UNKL: variants seen among roughly 807,000 people sequenced by gnomAD.
UNKL encodes the protein unk like zinc finger.
UNKL carries 60 observed loss-of-function variants against 78.0 expected under a neutral mutation model. The ratio of observed to expected loss-of-function variants is 0.77; its 90% CI spans 0.63 to 0.95. The LOEUF is 0.95. Among genes scored for constraint, UNKL ranks in the 40% least tolerant of loss-of-function variants. The probability of loss-of-function intolerance (pLI) is 0.00; values close to 1 mark genes in which losing one functional copy is unlikely to be tolerated. For missense variants in UNKL, 1,159 were observed against 1,045.7 expected (o/e 1.11, Z -1.49); for synonymous variants, 608 against 474.8 (o/e 1.28, Z -3.65).
At chr16:1,391,378 GCATGACCT>G (rs545464466) in intron 8 of UNKL, among the ~76,000 whole-genome samples, 6 of 152,282 alleles carry the variant, frequency 3.9e-5, no homozygotes, top group Middle Eastern at 3.4e-3. Context: ...GAGTGCAGTG[GCATGACCT>G]CCCTGGCTAA....
At position 1,387,621 on chromosome 16, in the gene UNKL, C is replaced by T. The variant is rs145598853; in HGVS notation, c.1087-2236G>A. On this transcript the variant is annotated intron_variant, in intron 9 of 14. Coordinates refer to ENST00000389221, the MANE Select transcript of UNKL (RefSeq NM_001372107.1). The surrounding 1 kb of genome is among the most constrained non-coding windows in gnomAD (Gnocchi z 4.1). ...GCAGGCACCAGCAAGGGGTGAGTGA[C>T]GTGGGGCGGTCTGCTGAGCTCACCG... 1.4e-3 allele frequency among the ~76,000 whole-genome samples: 217 copies of T among 152,276 alleles called. No individual in the cohort carries two copies. Among genetic ancestry groups the T allele is most frequent in the African/African-American group, 5.0e-3 (208 of 41,542 alleles).
chr16:1,384,290 G>T (rs944927753), intron 10 of UNKL, among the ~76,000 whole-genome samples: 1 of 151,494 alleles, frequency 6.6e-6, no homozygotes, highest in Non-Finnish European at 1.5e-5. Context: ...TTTCCCCAGG[G>T]GCTGAAAGGG....
rs1293097285 is a variant in UNKL at position 1,387,857 on chromosome 16, G to A, written c.1087-2472C>T. Among the ~76,000 whole-genome samples, 1 of 144,118 alleles carries A rather than the reference G, an allele frequency of 6.9e-6. No individual in the cohort carries two copies. The highest frequency in any genetic ancestry group is 2.6e-5 in the African/African-American group (1 of 38,400). The allele number at this position is 144,118 out of a possible 152,430, so 94.5% of individuals were successfully genotyped here. On this transcript the variant is annotated intron_variant, in intron 9 of 14. Coordinates refer to ENST00000389221, the MANE Select transcript of UNKL (RefSeq NM_001372107.1). The surrounding 1 kb of genome is among the most constrained non-coding windows in gnomAD (Gnocchi z 4.1). ...CACCCTGTGTCCCGGGGTCTGCCCA[G>A]GTCCGTGCTCTGGGGCACGGTCCCT...
intron 8 of UNKL, among the ~76,000 whole-genome samples, chr16:1,391,058 G>C (rs995084141): frequency 6.6e-6 from 1 of 151,802 alleles, no homozygotes; most frequent in African/African-American, 2.4e-5. Context: ...ATTTAAAAAA[G>C]GATATCGCTT....
chr16:1,407,941 C>G (rs2037843643), intron 2 of UNKL, among the ~76,000 whole-genome samples: 2 of 151,920 alleles, frequency 1.3e-5, no homozygotes, highest in Non-Finnish European at 2.9e-5. Flanking sequence ...CATGGTGCCT[C>G]AGGCCTGTAA....
chr16:1,370,320 G>A lies in UNKL; in HGVS notation c.1395C>T (p.Ile465=), dbSNP rs1023508400. Residue 465 remains isoleucine (I), a synonymous_variant, in exon 12 of 15, where the codon ATC becomes ATT. Coordinates refer to ENST00000389221, the MANE Select transcript of UNKL (RefSeq NM_001372107.1). ...RSLAGSAPVA[I]PGSLPRAPSL... ...ATGGTGCTCTGGGCAGGGAGCCGGG[G>A]ATGGCGACAGGTGCAGAGCCGGCCA... 6 of 1,533,132 alleles carry A rather than the reference G, an allele frequency of 3.9e-6. No individual in the cohort carries two copies. Among genetic ancestry groups the A allele is most frequent in the African/African-American group, 1.4e-5 (1 of 72,904 alleles). The allele number at this position is 1,533,132 out of a possible 1,614,324, so 95.0% of individuals were successfully genotyped here.
chr16:1,402,431 G>C (rs1199833033), intron 3 of UNKL, among the ~76,000 whole-genome samples: 1 of 152,116 alleles, frequency 6.6e-6, no homozygotes, highest in African/African-American at 2.4e-5. Flanking sequence ...AGGAGGCCGA[G>C]GCGGGCAGAT....
intron 10 of UNKL, among the ~76,000 whole-genome samples, chr16:1,384,886 T>G (rs1005582432): frequency 6.6e-6 from 1 of 151,072 alleles, no homozygotes; most frequent in African/African-American, 2.4e-5. Context: ...GGCGGCCAAC[T>G]CCCACAACTC....
chr16:1,388,175 T>A (rs2036898391), intron 9 of UNKL, among the ~76,000 whole-genome samples: 1 of 151,670 alleles, frequency 6.6e-6, no homozygotes, highest in African/African-American at 2.4e-5. Context: ...CCGCCCTGGG[T>A]CGGACAGGGA....
chr16:1,394,404 C>T (rs1363824514), intron 6 of UNKL, 189 bp from the exon 7 acceptor site: 8 of 730,326 alleles, frequency 1.1e-5, no homozygotes, highest in Admixed American at 1.0e-4. Flanking sequence ...TCTGCAGAGC[C>T]GACCCACAGG....
At chr16:1,389,156 G>A (rs1290771928) in intron 9 of UNKL, among the ~76,000 whole-genome samples, 1 of 151,760 alleles carries the variant, frequency 6.6e-6, no homozygotes, top group African/African-American at 2.4e-5. Flanking sequence ...TTTGCCTTTC[G>A]GTAACTGGCT....
intron 6 of UNKL, among the ~76,000 whole-genome samples, chr16:1,396,431 C>T (rs577052325): frequency 3.8e-4 from 57 of 150,590 alleles, no homozygotes; most frequent in Non-Finnish European, 6.3e-4. Flanking sequence ...GGACTACAGG[C>T]GCGCACCACC....
intron 10 of UNKL, among the ~76,000 whole-genome samples, chr16:1,382,162 T>A (rs2142073379): frequency 6.6e-6 from 1 of 152,314 alleles, no homozygotes; most frequent in African/African-American, 2.4e-5. Context: ...AGAGAAAGCT[T>A]AACACAGCAC....
intron 4 of UNKL, chr16:1,401,324 C>A: frequency 2.4e-6 from 1 of 418,976 alleles, no homozygotes; most frequent in Non-Finnish European, 4.1e-6. Flanking sequence ...ATGGCTGGCC[C>A]CACTGAGATG....
In UNKL at chr16:1,367,807, G is replaced by A. The variant is rs2035433039; in HGVS notation, c.1637C>T (p.Ser546Phe). 1.3e-6 allele frequency: 2 copies of A among 1,576,056 alleles called. No homozygotes were observed. Among genetic ancestry groups the A allele is most frequent in the Admixed American group, 1.8e-5 (1 of 54,488 alleles). Residue 546 changes from serine to phenylalanine, a missense_variant, in exon 13 of 15, where the codon TCC becomes TTC. Physicochemically the swap from Ser to Phe is radical, Grantham distance 155. Transcript: ENST00000389221. ...SIWDFVSGSF[S>F]PSPSPILSAG... The stretch of plus-strand genomic sequence containing the variant: ...ACTCAGGATGGGGGAGGGGCTGGGG[G>A]AGAAGCTGCCGGAAACAAAGTCCCA...
intron 8 of UNKL, among the ~76,000 whole-genome samples, chr16:1,391,511 C>T (rs1041068109): frequency 2.6e-5 from 4 of 152,144 alleles, no homozygotes; most frequent in South Asian, 2.1e-4. Context: ...GTTGCCTAGG[C>T]GGGTCTCGAA....
intron 10 of UNKL, among the ~76,000 whole-genome samples, chr16:1,377,318 G>C (rs1266245482): frequency 6.6e-6 from 1 of 152,126 alleles, no homozygotes; most frequent in Non-Finnish European, 1.5e-5. Context: ...ACCATGCCCA[G>C]CCTCAAATGC....
rs1269267945 is a variant in UNKL, at chr16:1,365,507, G to C, written c.*733C>G. On this transcript the variant is annotated 3_prime_UTR_variant, in exon 15 of 15. Transcript: ENST00000389221. ...CTCCTGCTCCCACGCCACGAGGCTGGAACATCAGCCCCAGTGCCTGGTGCA... is the reference window on the plus strand; with the variant it reads ...CTCCTGCTCCCACGCCACGAGGCTGCAACATCAGCCCCAGTGCCTGGTGCA... 6.6e-6 allele frequency: 1 copy of C among 152,524 alleles called. No individual in the cohort carries two copies. Among genetic ancestry groups the C allele is most frequent in the East Asian group, 1.9e-4 (1 of 5,196 alleles). 9.4% of individuals were successfully genotyped at this position (152,524 alleles called of 1,614,324 possible).
intron 10 of UNKL, chr16:1,383,486 C>T (rs1465637608): frequency 3.9e-6 from 1 of 255,614 alleles, no homozygotes; most frequent in South Asian, 3.9e-5. Flanking sequence ...GTCCTGGGGC[C>T]TCAGGAGCTG....
Sources: allele counts gnomAD v4.1 joint callset (sites outside exome capture counted in the v4.1 genomes callset), GRCh38; gene constraint gnomAD v4.1.1; non-coding constraint Gnocchi (gnomAD v3.1); transcripts MANE v1.5; gene names NCBI Gene and HGNC (gene_info 2026-07-23, HGNC 2026-07-21).